The following CSMD1 variants were observed in gnomAD, a reference collection of about 807,000 sequenced individuals.
The protein encoded by CSMD1 is CUB and sushi domain-containing protein 1.
In CSMD1, 213 loss-of-function variants were observed where a neutral mutation model predicts 417.5. The observed-to-expected ratio is 0.51, with a 90% confidence interval of 0.46 to 0.57. The LOEUF (loss-of-function observed/expected upper bound fraction) is 0.57. Ranked by LOEUF, CSMD1 falls within the 20% of genes least tolerant of loss-of-function variation. The pLI is 0.00. For synonymous variants in CSMD1, 2,862 were observed against 1,736.8 expected, an observed-to-expected ratio of 1.65 and a Z score of -16.11; for missense variants, 6,923 against 4,529.7, an observed-to-expected ratio of 1.53 and a Z score of -15.17.
At chr8:3,561,972 G>A (rs1405917907) in intron 10 of CSMD1, among the ~76,000 whole-genome samples, 1 of 152,042 alleles carries the variant, frequency 6.6e-6, no homozygotes, top group Non-Finnish European at 1.5e-5. Flanking sequence ...TGCACTGCAG[G>A]GCTTGCCTTA....
chr8:4,336,029 G>C (rs973574126), intron 3 of CSMD1, among the ~76,000 whole-genome samples: 1 of 152,122 alleles, frequency 6.6e-6, no homozygotes, highest in African/African-American at 2.4e-5. Flanking sequence ...CTTACTTCTA[G>C]ATTTCCAAAC....
At chr8:3,884,083 T>C (rs1488957462) in intron 5 of CSMD1, among the ~76,000 whole-genome samples, 1 of 152,186 alleles carries the variant, frequency 6.6e-6, no homozygotes, top group Admixed American at 6.5e-5. Context: ...TATTTTCCAA[T>C]AAAGGTAAAC....
intron 5 of CSMD1, among the ~76,000 whole-genome samples, chr8:3,836,064 T>A (rs1802678324): frequency 6.6e-6 from 1 of 152,122 alleles, no homozygotes; most frequent in South Asian, 2.1e-4. Flanking sequence ...ATTTTCTATG[T>A]CTCTAATTTC....
In CSMD1 at chr8:4,064,374, C is replaced by A. The variant is rs187697822; in HGVS notation, c.416-32275G>T. On this transcript the variant is annotated intron_variant, in intron 3 of 69. Coordinates refer to ENST00000635120, the MANE Select transcript of CSMD1 (RefSeq NM_033225.6). ...AAATTGTATCTCTGTTTAGGGTTTT[C>A]TGCAGTTGTTTTCTCCCTCAATGTT... Among the ~76,000 whole-genome samples the A allele has an allele frequency of 6.3e-3, 958 of 152,312 alleles. 4 individuals are homozygous for A. Among genetic ancestry groups the A allele is most frequent in the Non-Finnish European group, 0.011 (725 of 68,038 alleles).
intron 3 of CSMD1, among the ~76,000 whole-genome samples, chr8:4,311,106 C>T (rs896111991): frequency 6.6e-6 from 1 of 152,142 alleles, no homozygotes; most frequent in Admixed American, 6.5e-5. Context: ...CTTCAAAGAG[C>T]TAGAAGCTGA....
intron 12 of CSMD1, among the ~76,000 whole-genome samples, chr8:3,468,058 A>G (rs1459034856): frequency 6.6e-6 from 1 of 152,228 alleles, no homozygotes; most frequent in African/African-American, 2.4e-5. Flanking sequence ...TTTAAAAACT[A>G]TTTCAAAGGA....
At chr8:4,580,612 C>G (rs1196467752) in intron 2 of CSMD1, among the ~76,000 whole-genome samples, 1 of 152,114 alleles carries the variant, frequency 6.6e-6, no homozygotes, top group African/African-American at 2.4e-5. Context: ...ACTGCTCTCT[C>G]CCCTCCTTCT....
At chr8:4,556,041 T>A (rs1057203487) in intron 2 of CSMD1, among the ~76,000 whole-genome samples, 9 of 152,114 alleles carry the variant, frequency 5.9e-5, no homozygotes, top group Non-Finnish European at 8.8e-5. Context: ...ATGAATTAAA[T>A]AAAATATAAT....
chr8:3,525,323 G>A lies in CSMD1; in HGVS notation c.1345-31597C>T, dbSNP rs118019642. 3.0e-4 allele frequency among the ~76,000 whole-genome samples: 45 copies of A among 152,280 alleles called. No individual in the cohort carries two copies. In the East Asian group the frequency reaches 7.1e-3, roughly 24 times the overall value. ...AAAAAGGAATTAGCATTTCCAGTGA[G>A]AAGGGCAGCATTTCAAAAGCACTCT... On this transcript the variant is annotated intron_variant, in intron 10 of 69. Coordinates refer to ENST00000635120, the MANE Select transcript of CSMD1 (RefSeq NM_033225.6).
At chr8:3,178,072 C>G (rs2129046409) in intron 37 of CSMD1, among the ~76,000 whole-genome samples, 1 of 152,210 alleles carries the variant, frequency 6.6e-6, no homozygotes, top group South Asian at 2.1e-4. Flanking sequence ...TGTAAGATTA[C>G]AAAGAATCTA....
At chr8:4,387,570 C>CAAAAAAGAAAAAAAAAAAAA (rs1803536554) in intron 3 of CSMD1, among the ~76,000 whole-genome samples, 1 of 37,208 alleles carries the variant, frequency 2.7e-5, no homozygotes, top group African/African-American at 7.3e-5. Flanking sequence ...TCCAAACTGG[C>CAAAAAAGAAAAAAAAAAAAA]AAAAAAAAAA....
intron 7 of CSMD1, among the ~76,000 whole-genome samples, chr8:3,670,204 C>T (rs917649061): frequency 3.0e-4 from 46 of 151,962 alleles, no homozygotes; most frequent in African/African-American, 9.9e-4. Context: ...TGGGTGGGTA[C>T]CCTCTAATCA....
Position 3,369,261 on chromosome 8 carries a change from A to G in CSMD1, c.2892T>C (p.His964=), listed in dbSNP as rs111736379. 3,413 of 1,517,178 alleles carry G rather than the reference A, an allele frequency of 2.2e-3. 63 individuals are homozygous for G. In the African/African-American group the frequency reaches 0.041, roughly 18 times the overall value. The allele number at this position is 1,517,178 out of a possible 1,614,324, so 94.0% of individuals were successfully genotyped here. A position where few individuals can be genotyped will look rare whatever the true frequency, so the allele number is the denominator to read the frequency against. The part of the protein sequence containing the change: ...LNCTWTIEVS[H]GKGVQMIFHT... ...CCTATGATAGATTCTTACCTTTCCCATGAGACACTTCAATGGTCCACGTGC... is the reference window on the plus strand; with the variant it reads ...CCTATGATAGATTCTTACCTTTCCCGTGAGACACTTCAATGGTCCACGTGC... The change falls in exon 19 of 70, where the codon CAT becomes CAC. Residue 964 remains histidine (H), a synonymous_variant. Coordinates refer to ENST00000635120, the MANE Select transcript of CSMD1 (RefSeq NM_033225.6).
At chr8:3,707,335 A>G (rs1801226739) in intron 7 of CSMD1, among the ~76,000 whole-genome samples, 1 of 152,326 alleles carries the variant, frequency 6.6e-6, no homozygotes, top group South Asian at 2.1e-4. Flanking sequence ...TCAGATGTCC[A>G]TCCCAGCCCT....
chr8:3,347,532 G>A (rs539508901), intron 22 of CSMD1, among the ~76,000 whole-genome samples: 46 of 152,320 alleles, frequency 3.0e-4, no homozygotes, highest in African/African-American at 9.9e-4. Flanking sequence ...GCTTTCCACA[G>A]TATGACCACA....
intron 53 of CSMD1, among the ~76,000 whole-genome samples, chr8:2,998,825 C>G (rs1192577514): frequency 6.6e-6 from 1 of 152,186 alleles, no homozygotes; most frequent in Non-Finnish European, 1.5e-5. Flanking sequence ...AACAGAAACA[C>G]ACTACAGTCA....
chr8:3,086,729 T>C (rs1221334487), intron 49 of CSMD1, among the ~76,000 whole-genome samples: 1 of 152,220 alleles, frequency 6.6e-6, no homozygotes, highest in Non-Finnish European at 1.5e-5. Context: ...GAATGAGTTT[T>C]TAAACTAAAA....
intron 7 of CSMD1, among the ~76,000 whole-genome samples, chr8:3,704,219 C>G (rs1298071128): frequency 6.6e-6 from 1 of 152,078 alleles, no homozygotes; most frequent in Non-Finnish European, 1.5e-5. Context: ...CAGCTACAGG[C>G]AAAAATAGAG....
At chr8:4,292,837 T>A (rs976464168) in intron 3 of CSMD1, among the ~76,000 whole-genome samples, 4 of 152,174 alleles carry the variant, frequency 2.6e-5, no homozygotes, top group African/African-American at 4.8e-5. Context: ...TCAGGGTCCC[T>A]AAGAATAGAG....
Sources: gnomAD v4.1 joint callset for allele counts (sites outside exome capture counted in the v4.1 genomes callset) on GRCh38, gnomAD v4.1.1 for gene constraint, MANE v1.5 for transcripts, NCBI Gene and HGNC (gene_info 2026-07-23, HGNC 2026-07-21) for gene names.